Variants in ZXDC observed in about 807,000 individuals in gnomAD.
The protein encoded by ZXDC is ZXD family zinc finger C, also known as zinc finger protein ZXDC.
ZXDC carries 58 observed loss-of-function variants against 63.6 expected under a neutral mutation model. That is an observed-to-expected ratio of 0.91 (90% confidence interval 0.74 to 1.13). ZXDC has a LOEUF of 1.13. Among genes scored for constraint, ZXDC ranks in the 50% most tolerant of loss-of-function variants. The pLI is 0.00. For synonymous variants in ZXDC, 561 were observed against 496.1 expected (o/e 1.13, Z -1.74); for missense variants, 1,133 against 1,148.9 (o/e 0.99, Z 0.20).
chr3:126,451,098 G>T, intron 7 of ZXDC: 3 of 984,900 alleles, frequency 3.0e-6, no homozygotes, highest in South Asian at 4.7e-5. Flanking sequence ...ACCCCAGGAG[G>T]AACAGTGCTC....
At chr3:126,459,832 A>T (rs1934452323) in intron 6 of ZXDC, 95 bp from the exon 7 acceptor site, 2 of 1,597,722 alleles carry the variant, frequency 1.3e-6, no homozygotes, top group African/African-American at 2.7e-5. Flanking sequence ...CTTCTGGGAC[A>T]TATCCGAGCT....
intron 7 of ZXDC, chr3:126,454,405 A>T (rs954396590): frequency 1.0e-6 from 1 of 985,380 alleles, no homozygotes. Flanking sequence ...AAAGAGGAAA[A>T]ATCTTCTTTG....
intron 7 of ZXDC, among the ~76,000 whole-genome samples, chr3:126,445,584 C>T (rs1417171960): frequency 2.0e-5 from 3 of 151,478 alleles, no homozygotes; most frequent in South Asian, 4.2e-4. Context: ...GCAGCCTCCC[C>T]GTTTTTTGGC....
In ZXDC at chr3:126,459,654, T is replaced by C. The variant is rs190718878; in HGVS notation, c.2211A>G (p.Ala737=). ...CGGCTGCAGCACACACGGCCTCACCTGCATTGCTCCCCGCTCCTCTCTGCT... is the reference window on the plus strand; with the variant it reads ...CGGCTGCAGCACACACGGCCTCACCCGCATTGCTCCCCGCTCCTCTCTGCT... ...EKKQRGAGSN[A]GASQSTQRKI... The change falls in exon 7 of 10, where the codon GCA becomes GCG. Residue 737 remains alanine, a splice_region_variant and synonymous_variant. Transcript: ENST00000389709. The C allele has an allele frequency of 1.5e-4, 243 of 1,614,194 alleles. No individual in the cohort carries two copies. The African/African-American group carries it at 3.0e-3, about 20-fold the overall frequency.
chr3:126,460,903 CCTAT>C, intron 6 of ZXDC: 1 of 985,316 alleles, frequency 1.0e-6, no homozygotes, highest in Non-Finnish European at 1.2e-6. Flanking sequence ...AAAAAAAATC[CCTAT>C]CTGATCATTC....
At chr3:126,452,125 G>A (rs1934127800) in intron 7 of ZXDC, 1 of 985,182 alleles carries the variant, frequency 1.0e-6, no homozygotes, top group Non-Finnish European at 1.2e-6. Context: ...CCAGGTCGGT[G>A]CCCAGTGCGC....
intron 8 of ZXDC, chr3:126,441,226 G>A: frequency 1.0e-6 from 1 of 986,018 alleles, no homozygotes; most frequent in Non-Finnish European, 1.2e-6. Context: ...GACAGGCTGG[G>A]AGGGGCCTGG....
Position 126,472,046 on chromosome 3 carries a change from T to C in ZXDC, c.1066A>G (p.Arg356Gly). ...CTGTCAGAGTCACAAATAAATGGTC[T>C]TTCACCTTATAAAAGAAAAAATTAT... ...KIHLRSHTGERPFICDSDSCG... is the reference protein window; with the variant it reads ...KIHLRSHTGEGPFICDSDSCG... The change falls in exon 3 of 10, where the codon AGA becomes GGA. Residue 356 changes from arginine to glycine, a missense_variant. Transcript: ENST00000389709. The C allele has an allele frequency of 6.2e-7, 1 of 1,612,114 alleles. No individual in the cohort carries two copies. Among genetic ancestry groups the C allele is most frequent in the Non-Finnish European group, 8.5e-7 (1 of 1,179,494 alleles).
At chr3:126,447,580 C>T (rs908527766) in intron 7 of ZXDC, among the ~76,000 whole-genome samples, 1 of 152,186 alleles carries the variant, frequency 6.6e-6, no homozygotes, top group African/African-American at 2.4e-5. Flanking sequence ...ATAGATTGCG[C>T]CAATGGTTTG....
intron 3 of ZXDC, 111 bp downstream of exon 3, chr3:126,471,859 GCTC>G: frequency 2.3e-6 from 2 of 874,814 alleles, no homozygotes. Flanking sequence ...TCAACACTGA[GCTC>G]CTTTTTTAAC....
chr3:126,448,434 G>A (rs1038354959), intron 7 of ZXDC, among the ~76,000 whole-genome samples: 3 of 152,124 alleles, frequency 2.0e-5, no homozygotes, highest in Non-Finnish European at 4.4e-5. Flanking sequence ...GAAAGTACAG[G>A]GTACCCTGGG....
At chr3:126,464,904 C>T (rs1934696005) in intron 5 of ZXDC, among the ~76,000 whole-genome samples, 1 of 152,220 alleles carries the variant, frequency 6.6e-6, no homozygotes, top group Non-Finnish European at 1.5e-5. Flanking sequence ...CTGCTGTAAA[C>T]TGTGAAAGAT....
chr3:126,461,938 G>A lies in ZXDC; in HGVS notation c.1724C>T (p.Pro575Leu), dbSNP rs1296901231. 17 of 1,614,030 alleles carry A rather than the reference G, an allele frequency of 1.1e-5. No individual in the cohort carries two copies. The highest frequency in any genetic ancestry group is 1.4e-5 in the Non-Finnish European group (17 of 1,180,032). ...AACCAGAGGGCTGTCCAGGCTTGGG[G>A]GAATATCACTGTGGGCCACCAGGAC... ...PLVLVAHSDIPPSLDSPLVLG... is the reference protein window; with the variant it reads ...PLVLVAHSDILPSLDSPLVLG... The change falls in exon 6 of 10, where the codon CCC becomes CTC. Residue 575 changes from proline (P) to leucine (L), a missense_variant. By Grantham distance (98) the Pro-to-Leu change is moderately conservative. Transcript: ENST00000389709.
rs907988223 is a variant in ZXDC at position 126,475,410 on chromosome 3, G to A, written c.456C>T (p.Gly152=). The A allele has an allele frequency of 3.4e-6, 4 of 1,185,692 alleles. No individual in the cohort carries two copies. Among genetic ancestry groups the A allele is most frequent in the Admixed American group, 4.6e-5 (1 of 21,512 alleles). 73.4% of individuals were successfully genotyped at this position (1,185,692 alleles called of 1,614,324 possible). The change falls in exon 1 of 10, where the codon GGC becomes GGT. Residue 152 remains glycine (G), a synonymous_variant. Coordinates refer to ENST00000389709, the MANE Select transcript of ZXDC (RefSeq NM_025112.5). The part of the protein sequence containing the change: ...RGVLALSAPP[G]PATAGAAAPR... ...GAGCGGCGGCGCCCGCGGTTGCGGGGCCGGGCGGCGCAGACAGCGCGAGGA... is the reference window on the plus strand; with the variant it reads ...GAGCGGCGGCGCCCGCGGTTGCGGGACCGGGCGGCGCAGACAGCGCGAGGA...
rs1219064755 is a variant in ZXDC, at chr3:126,454,003, A to ATATATAAGCAGTACTATATATTATG, written c.2212+5625_2212+5649dup. The ATATATAAGCAGTACTATATATTATG allele has an allele frequency of 8.1e-6, 7 of 860,574 alleles. No homozygotes were observed. The African/African-American group carries it at 1.3e-4, about 16-fold the overall frequency. 53.3% of individuals were successfully genotyped at this position (860,574 alleles called of 1,614,324 possible). On this transcript the variant is annotated intron_variant, in intron 7 of 9. Transcript: ENST00000389709. Reference sequence around the variant, plus strand: ...TATATGTGTACATATAGGCATATATATATATAAGCAGTACTATATATTATG... The same window carrying ATATATAAGCAGTACTATATATTATG: ...TATATGTGTACATATAGGCATATATATATATAAGCAGTACTATATATTATGTATATAAGCAGTACTATATATTATG...
rs1375725372 is a variant in ZXDC, at chr3:126,439,834, C to T, written c.2395-107G>A. The stretch of plus-strand genomic sequence containing the variant: ...CAGCTGCAATGCGTGGCAGAACCAG[C>T]CCACCCCCTGTATTCCAAGGGAGGC... On this transcript the variant is annotated intron_variant, in intron 8 of 9. Coordinates refer to ENST00000389709, the MANE Select transcript of ZXDC (RefSeq NM_025112.5). The T allele has an allele frequency of 4.8e-6, 7 of 1,459,834 alleles. No homozygotes were observed. In the East Asian group the frequency reaches 7.5e-5, roughly 16 times the overall value. The allele number at this position is 1,459,834 out of a possible 1,614,324, so 90.4% of individuals were successfully genotyped here.
At chr3:126,457,160 T>G (rs1054679104) in intron 7 of ZXDC, 4 of 641,566 alleles carry the variant, frequency 6.2e-6, no homozygotes, top group Non-Finnish European at 7.8e-6. Context: ...GGGAGTCTGG[T>G]CACATTCACA....
chr3:126,469,812 C>T (rs1934910690), intron 4 of ZXDC, among the ~76,000 whole-genome samples: 1 of 152,252 alleles, frequency 6.6e-6, no homozygotes, highest in Non-Finnish European at 1.5e-5. Context: ...CCCCTGTCTG[C>T]ACCTCCAGCT....
intron 7 of ZXDC, among the ~76,000 whole-genome samples, chr3:126,447,424 A>C (rs1933923423): frequency 6.6e-6 from 1 of 152,196 alleles, no homozygotes; most frequent in Non-Finnish European, 1.5e-5. Context: ...TTAGCTATCT[A>C]TTGATCCTTC....
Sources: allele counts gnomAD v4.1 joint callset (sites outside exome capture counted in the v4.1 genomes callset), GRCh38; gene constraint gnomAD v4.1.1; transcripts MANE v1.5; gene names NCBI Gene and HGNC (gene_info 2026-07-23, HGNC 2026-07-21).